The following LYZL4 variants were observed in gnomAD, a reference collection of about 807,000 sequenced individuals.
LYZL4 encodes lysozyme-like protein 4.
In LYZL4, 13 loss-of-function variants were observed where a neutral mutation model predicts 17.6. The observed-to-expected ratio is 0.74, with a 90% confidence interval of 0.48 to 1.18. The LOEUF (loss-of-function observed/expected upper bound fraction) is 1.18. Among genes scored for constraint, LYZL4 ranks in the 50% most tolerant of loss-of-function variants. The probability of loss-of-function intolerance (pLI) is 0.00; values close to 1 mark genes in which losing one functional copy is unlikely to be tolerated. For missense variants in LYZL4, 174 were observed against 188.2 expected, an observed-to-expected ratio of 0.92 and a Z score of 0.44; for synonymous variants, 64 against 67.7, an observed-to-expected ratio of 0.95 and a Z score of 0.27.
chr3:42,360,948 T>C, the LYZL4 span, among the ~76,000 whole-genome samples: 1 of 152,226 alleles, frequency 6.6e-6, no homozygotes, highest in African/African-American at 2.4e-5. Flanking sequence ...AGTTTGTCTT[T>C]TCTTTCTTTT....
the LYZL4 span, among the ~76,000 whole-genome samples, chr3:42,386,524 T>C: frequency 6.6e-6 from 1 of 152,036 alleles, no homozygotes; most frequent in Non-Finnish European, 1.5e-5. Context: ...CCCCCCTTTT[T>C]TTCCATAAAA....
chr3:42,378,809 C>A, the LYZL4 span, among the ~76,000 whole-genome samples: 1 of 152,210 alleles, frequency 6.6e-6, no homozygotes, highest in Non-Finnish European at 1.5e-5. Context: ...ACTTTACATG[C>A]ATAATCTCAC....
chr3:42,368,870 C>T, the LYZL4 span, among the ~76,000 whole-genome samples: 193 of 152,248 alleles, frequency 1.3e-3, 2 homozygotes, highest in Non-Finnish European at 2.9e-4. Context: ...TAATGTACTC[C>T]CTCAGCTGCT....
chr3:42,379,956 G>C, the LYZL4 span, among the ~76,000 whole-genome samples: 1 of 152,182 alleles, frequency 6.6e-6, no homozygotes, highest in African/African-American at 2.4e-5. Context: ...TGCCATATGA[G>C]CAGTGACCGA....
At chr3:42,385,570 C>T in the LYZL4 span, among the ~76,000 whole-genome samples, 18 of 152,190 alleles carry the variant, frequency 1.2e-4, no homozygotes, top group Admixed American at 7.2e-4. Context: ...TTAAGTAAGG[C>T]ATGCCTGTAA....
chr3:42,402,526 G>A (rs1698676007), intron 4 of LYZL4, among the ~76,000 whole-genome samples: 1 of 152,004 alleles, frequency 6.6e-6, no homozygotes, highest in Non-Finnish European at 1.5e-5. Context: ...TACATAAATG[G>A]CCAATAAACA....
the LYZL4 span, among the ~76,000 whole-genome samples, chr3:42,368,304 A>C: frequency 6.6e-6 from 1 of 152,236 alleles, no homozygotes; most frequent in African/African-American, 2.4e-5. Context: ...ACTACTTAAC[A>C]AATAAAACTG....
At chr3:42,375,737 C>T in the LYZL4 span, among the ~76,000 whole-genome samples, 2 of 152,268 alleles carry the variant, frequency 1.3e-5, no homozygotes, top group Admixed American at 1.3e-4. Flanking sequence ...CATCAGAGTT[C>T]TCCTTATTAA....
At chr3:42,362,781 T>C in the LYZL4 span, among the ~76,000 whole-genome samples, 34 of 152,066 alleles carry the variant, frequency 2.2e-4, no homozygotes, top group Non-Finnish European at 3.7e-4. Context: ...GAAAGGCTGA[T>C]GGAGAATACA....
chr3:42,404,114 A>G lies in LYZL4; in HGVS notation c.303T>C (p.Asn101=), dbSNP rs751381168. 171 of 1,611,152 alleles carry G rather than the reference A, an allele frequency of 1.1e-4. No individual in the cohort carries two copies. In the Admixed American group the frequency reaches 2.7e-3, roughly 26 times the overall value. The change falls in exon 4 of 5, where the codon AAT becomes AAC. Residue 101 remains asparagine, a synonymous_variant. Coordinates refer to ENST00000287748, the MANE Select transcript of LYZL4 (RefSeq NM_144634.4). ...ATTTAATTGTCTTCTCTAAATTAGG[A>G]TTCAGTAAAGCTGTGGGGAAAAGAA... is the stretch of plus-strand genomic sequence containing the variant. The part of the protein sequence containing the change: ...RCHMSCSALL[N]PNLEKTIKCA...
the LYZL4 span, among the ~76,000 whole-genome samples, chr3:42,365,426 T>C: frequency 6.6e-6 from 1 of 152,222 alleles, no homozygotes; most frequent in Non-Finnish European, 1.5e-5. Flanking sequence ...TGTAGTTATC[T>C]AGGCTGGCCT....
chr3:42,400,931 T>G (rs920105644), intron 4 of LYZL4, among the ~76,000 whole-genome samples: 4 of 152,026 alleles, frequency 2.6e-5, no homozygotes, highest in African/African-American at 9.7e-5. Context: ...GTTCAGCATA[T>G]CAGAAAGACA....
chr3:42,375,649 G>A, the LYZL4 span, among the ~76,000 whole-genome samples: 1 of 152,136 alleles, frequency 6.6e-6, no homozygotes, highest in Non-Finnish European at 1.5e-5. Context: ...GGCAGGCTGG[G>A]GGCTGAGGAG....
the LYZL4 span, among the ~76,000 whole-genome samples, chr3:42,365,651 G>C: frequency 2.0e-5 from 3 of 152,178 alleles, no homozygotes; most frequent in South Asian, 6.2e-4. Flanking sequence ...AAAATCAAGG[G>C]GCAGGGTGAT....
At chr3:42,394,538 A>C (rs544307137), downstream of LYZL4, among the ~76,000 whole-genome samples, 1 of 152,316 alleles carries the variant, frequency 6.6e-6, no homozygotes, top group South Asian at 2.1e-4. Context: ...TCTGTGTAAT[A>C]TTTATATGGT....
the LYZL4 span, among the ~76,000 whole-genome samples, chr3:42,391,825 A>G: frequency 2.6e-5 from 4 of 152,078 alleles, no homozygotes; most frequent in Non-Finnish European, 5.9e-5. Flanking sequence ...TTGATGGTGT[A>G]AGCAATCAAG....
the LYZL4 span, among the ~76,000 whole-genome samples, chr3:42,379,307 T>C: frequency 5.3e-5 from 8 of 152,244 alleles, no homozygotes; most frequent in East Asian, 1.5e-3. Context: ...CTCCTCAACA[T>C]AGGGGCTGGG....
chr3:42,365,569 A>G, the LYZL4 span, among the ~76,000 whole-genome samples: 1 of 152,092 alleles, frequency 6.6e-6, no homozygotes, highest in Admixed American at 6.5e-5. Context: ...CCATGTGAGA[A>G]CACATCGAGC....
At chr3:42,396,721 G>A (rs866395429), downstream of LYZL4, among the ~76,000 whole-genome samples, 1 of 152,212 alleles carries the variant, frequency 6.6e-6, no homozygotes, top group Non-Finnish European at 1.5e-5. Flanking sequence ...GCAAATATGT[G>A]TTATTTATAA....
Sources: gnomAD v4.1 joint callset for allele counts (sites outside exome capture counted in the v4.1 genomes callset) on GRCh38, gnomAD v4.1.1 for gene constraint, MANE v1.5 for transcripts, NCBI Gene and HGNC (gene_info 2026-07-23, HGNC 2026-07-21) for gene names.